The following NCAM1 variants were observed in gnomAD, a reference collection of about 807,000 sequenced individuals.
NCAM1 encodes antigen recognized by monoclonal antibody 5.1H11.
In NCAM1, 14 loss-of-function variants were observed where a neutral mutation model predicts 109.8. The ratio of observed to expected loss-of-function variants is 0.13; its 90% CI spans 0.08 to 0.20. The LOEUF (loss-of-function observed/expected upper bound fraction) is 0.20, where lower values mean the gene tolerates loss of function less well. NCAM1 is among the 10% of genes least tolerant of loss of function. The pLI is 1.00. For missense variants in NCAM1, 774 were observed against 1,109.9 expected (o/e 0.70, Z 4.30); for synonymous variants, 418 against 442.9 (o/e 0.94, Z 0.70).
intron 1 of NCAM1, among the ~76,000 whole-genome samples, chr11:113,159,718 T>A (rs895319175): frequency 9.9e-5 from 15 of 152,188 alleles, no homozygotes; most frequent in Non-Finnish European, 1.6e-4. Context: ...TTGTTTTTTT[T>A]ATTATACTTT....
At chr11:113,258,950 A>G (rs1326864364) in intron 16 of NCAM1, among the ~76,000 whole-genome samples, 1 of 152,216 alleles carries the variant, frequency 6.6e-6, no homozygotes, top group African/African-American at 2.4e-5. Flanking sequence ...TAAGAGCCTG[A>G]CAAAACCCCA....
intron 1 of NCAM1, among the ~76,000 whole-genome samples, chr11:113,105,580 AG>A (rs1465093737): frequency 2.0e-5 from 3 of 152,374 alleles, no homozygotes; most frequent in African/African-American, 7.2e-5. Flanking sequence ...ATCATTATTC[AG>A]GCATAAAAAG....
At chr11:113,056,013 AT>A (rs1953696802) in intron 1 of NCAM1, among the ~76,000 whole-genome samples, 4 of 115,546 alleles carry the variant, frequency 3.5e-5, no homozygotes, top group South Asian at 2.6e-4. Context: ...ATATATATAT[AT>A]ATATATATAT....
intron 1 of NCAM1, among the ~76,000 whole-genome samples, chr11:113,183,587 A>G (rs1182139006): frequency 6.6e-6 from 1 of 152,048 alleles, no homozygotes; most frequent in Non-Finnish European, 1.5e-5. Context: ...TCTTGGTGTG[A>G]TTTTTTTTAT....
chr11:113,220,603 T>TTTTTTTTTTG (rs1944664536), intron 8 of NCAM1, among the ~76,000 whole-genome samples: 4 of 50,266 alleles, frequency 8.0e-5, no homozygotes, highest in African/African-American at 5.1e-4. Flanking sequence ...TCTCTCTCTC[T>TTTTTTTTTTG]TTTTTTTTTT....
At chr11:113,062,625 T>C (rs1402306720) in intron 1 of NCAM1, among the ~76,000 whole-genome samples, 1 of 151,792 alleles carries the variant, frequency 6.6e-6, no homozygotes, top group Non-Finnish European at 1.5e-5. Flanking sequence ...GGTTTGCTAC[T>C]TCACAGAGGG....
At chr11:113,134,304 G>A (rs1555098972) in intron 1 of NCAM1, among the ~76,000 whole-genome samples, 1 of 152,070 alleles carries the variant, frequency 6.6e-6, no homozygotes, top group Admixed American at 6.6e-5. Context: ...ATTTTCGCAT[G>A]TAACCGGATT....
chr11:113,205,718 C>A, intron 4 of NCAM1, 52 bp downstream of exon 4: 2 of 1,585,900 alleles, frequency 1.3e-6, no homozygotes, highest in South Asian at 2.3e-5. Context: ...ACCAAGTTCC[C>A]TAGCTTTTTC....
In NCAM1 at chr11:113,233,667, G is replaced by A. The variant is rs1945078779; in HGVS notation, c.1693+350G>A. ...CCTACTCTGCACGTTTGAGTTACCT[G>A]TGCTGCAGGTTCTCTGCCGACACCC... On this transcript the variant is annotated intron_variant, in intron 13 of 19. Transcript: ENST00000316851. This position sits in a 1 kb window ranked among gnomAD's most constrained non-coding sequence, Gnocchi z 4.5. 6.6e-6 allele frequency among the ~76,000 whole-genome samples: 1 copy of A among 152,184 alleles called. No individual in the cohort carries two copies. The highest frequency in any genetic ancestry group is 1.5e-5 in the Non-Finnish European group (1 of 68,036).
Position 113,221,468 on chromosome 11 carries a change from C to G in NCAM1, c.1089+143C>G, listed in dbSNP as rs1944692484. On this transcript the variant is annotated intron_variant, in intron 9 of 19. Transcript: ENST00000316851. ...GTCGATAGTGGTAGACATTACTTAG[C>G]AATAGTATCATTTTAGGATGAGCAA... 15 of 802,084 alleles carry G rather than the reference C, an allele frequency of 1.9e-5. No individual in the cohort carries two copies. The South Asian group carries it at 2.5e-4, about 13-fold the overall frequency. 49.7% of individuals were successfully genotyped at this position (802,084 alleles called of 1,614,324 possible).
At chr11:113,055,876 G>A (rs1591287689) in intron 1 of NCAM1, among the ~76,000 whole-genome samples, 1 of 150,966 alleles carries the variant, frequency 6.6e-6, no homozygotes, top group Non-Finnish European at 1.5e-5. Context: ...GTATATGAAA[G>A]AGGTACTTGC....
At chr11:113,271,702 C>T (rs147873999) in intron 18 of NCAM1, 58 bp from the exon 19 acceptor site, 59 of 1,350,180 alleles carry the variant, frequency 4.4e-5, no homozygotes, top group South Asian at 1.7e-4. Context: ...GCTGCTCTTC[C>T]GTGGGAGCCC....
At chr11:113,080,987 G>T (rs12794745) in intron 1 of NCAM1, among the ~76,000 whole-genome samples, 66,547 of 152,062 alleles carry the variant, frequency 0.44, 15,758 homozygotes, top group Middle Eastern at 0.56. Context: ...TTAAGTTGCC[G>T]TCTGACAATC....
intron 9 of NCAM1, among the ~76,000 whole-genome samples, chr11:113,228,099 A>G (rs1944901752): frequency 6.6e-6 from 1 of 152,218 alleles, no homozygotes; most frequent in East Asian, 1.9e-4. Flanking sequence ...CAGGCAAGAG[A>G]AGGAAATAAA....
At chr11:113,185,079 T>TATATATATATATAGGGAGAGAG in intron 1 of NCAM1, among the ~76,000 whole-genome samples, 2 of 125,760 alleles carry the variant, frequency 1.6e-5, no homozygotes, top group African/African-American at 3.2e-5. Flanking sequence ...TATATATATA[T>TATATATATATATAGGGAGAGAG]AGAGAGAGAG....
intron 1 of NCAM1, among the ~76,000 whole-genome samples, chr11:113,139,990 T>G (rs1352142169): frequency 6.6e-6 from 1 of 152,238 alleles, no homozygotes; most frequent in Non-Finnish European, 1.5e-5. Context: ...ATCAAACCCT[T>G]GCAGCCTCTT....
intron 1 of NCAM1, among the ~76,000 whole-genome samples, chr11:113,195,423 T>C (rs1291841184): frequency 6.6e-6 from 1 of 151,732 alleles, no homozygotes; most frequent in Non-Finnish European, 1.5e-5. Context: ...TCAATGGATG[T>C]ATCCACACAT....
At chr11:113,165,514 A>G (rs1286716505) in intron 1 of NCAM1, among the ~76,000 whole-genome samples, 1 of 152,188 alleles carries the variant, frequency 6.6e-6, no homozygotes, top group Non-Finnish European at 1.5e-5. Flanking sequence ...TCATTTTAAA[A>G]GCAGGTTCAA....
At chr11:113,226,819 C>T (rs1211711366) in intron 9 of NCAM1, among the ~76,000 whole-genome samples, 1 of 152,178 alleles carries the variant, frequency 6.6e-6, no homozygotes, top group Non-Finnish European at 1.5e-5. Context: ...ACAACCTGCT[C>T]CTGAATGACT....
Sources: allele counts gnomAD v4.1 joint callset (sites outside exome capture counted in the v4.1 genomes callset), GRCh38; gene constraint gnomAD v4.1.1; non-coding constraint Gnocchi (gnomAD v3.1); transcripts MANE v1.5; gene names NCBI Gene and HGNC (gene_info 2026-07-23, HGNC 2026-07-21).